Variants in PCDH15 observed in about 807,000 individuals in gnomAD.
PCDH15 encodes the protein protocadherin related 15.
Under a neutral mutation model 178.5 loss-of-function variants are expected in PCDH15, and 129 were observed. The observed-to-expected ratio is 0.72, with a 90% confidence interval of 0.63 to 0.84. PCDH15 has a LOEUF of 0.84. Ranked by LOEUF, PCDH15 falls within the 40% of genes least tolerant of loss-of-function variation. PCDH15 has a pLI of 0.00. For synonymous variants in PCDH15, 800 were observed against 732.0 expected (o/e 1.09, Z -1.50); for missense variants, 2,230 against 2,099.9 (o/e 1.06, Z -1.21).
chr10:55,035,973 C>T (rs891800459), intron 2 of PCDH15, among the ~76,000 whole-genome samples: 1 of 152,062 alleles, frequency 6.6e-6, no homozygotes, highest in African/African-American at 2.4e-5. Context: ...TAATTGTACA[C>T]CTTGCTACGG....
chr10:55,591,540 A>C (rs949526201), intron 2 of PCDH15, among the ~76,000 whole-genome samples: 1 of 152,188 alleles, frequency 6.6e-6, no homozygotes, highest in African/African-American at 2.4e-5. Flanking sequence ...AGAAAAAAGC[A>C]AGGGGTCAAT....
At chr10:54,541,098 C>T (rs1033092941) in intron 2 of PCDH15, among the ~76,000 whole-genome samples, 3 of 152,090 alleles carry the variant, frequency 2.0e-5, no homozygotes, top group Non-Finnish European at 2.9e-5. Context: ...AGCACTGGAA[C>T]AAGACAAGGA....
intron 15 of PCDH15, among the ~76,000 whole-genome samples, chr10:54,129,970 G>A (rs2042293906): frequency 6.6e-6 from 1 of 152,122 alleles, no homozygotes; most frequent in Non-Finnish European, 1.5e-5. Context: ...GTGGTGGGGT[G>A]GGCCAAATGG....
chr10:55,377,137 T>C (rs1330917170), intron 2 of PCDH15, among the ~76,000 whole-genome samples: 8 of 148,426 alleles, frequency 5.4e-5, no homozygotes, highest in Admixed American at 1.3e-4. Flanking sequence ...GTGATAACTC[T>C]TTCTTCACTA....
At chr10:54,785,450 TGA>T (rs1040275450) in intron 1 of PCDH15, among the ~76,000 whole-genome samples, 3 of 152,046 alleles carry the variant, frequency 2.0e-5, no homozygotes, top group Non-Finnish European at 2.9e-5. Flanking sequence ...ATACAATTCC[TGA>T]GAGACTATTT....
At chr10:53,824,466 T>C (rs1443239228) in intron 32 of PCDH15, among the ~76,000 whole-genome samples, 1 of 152,014 alleles carries the variant, frequency 6.6e-6, no homozygotes, top group Non-Finnish European at 1.5e-5. Context: ...AAAATTAGGG[T>C]GATAGTTTAG....
At chr10:55,549,568 A>C (rs1006942586) in intron 2 of PCDH15, among the ~76,000 whole-genome samples, 2 of 152,154 alleles carry the variant, frequency 1.3e-5, no homozygotes, top group African/African-American at 4.8e-5. Context: ...AGAAACAAAG[A>C]GTGATAAATG....
intron 1 of PCDH15, among the ~76,000 whole-genome samples, chr10:55,253,576 CCATTGTGCATTT>C (rs1249477250): frequency 2.6e-5 from 4 of 151,800 alleles, no homozygotes; most frequent in Admixed American, 1.3e-4. Flanking sequence ...TAGCAATGTG[CCATTGTGCATTT>C]TAAGTGAACC....
chr10:54,335,625 T>G (rs1940929366), intron 6 of PCDH15, among the ~76,000 whole-genome samples: 2 of 152,230 alleles, frequency 1.3e-5, no homozygotes, highest in East Asian at 3.9e-4. Context: ...TCTCTTAGTC[T>G]GCTTCCATGT....
Position 55,224,238 on chromosome 10 carries a change from AG to A in PCDH15, c.-155-57588del, listed in dbSNP as rs1687790971. ...AACAAAACAAAAAAACAAAAAGTAC[AG>A]GTAAATGAATATGGTCAGAATCTAT... On this transcript the variant is annotated intron_variant, in intron 1 of 5. Transcript: ENST00000458638. Among the ~76,000 whole-genome samples, 3 of 152,106 alleles carry A rather than the reference AG, an allele frequency of 2.0e-5. 1 individual carries two copies. Among genetic ancestry groups the A allele is most frequent in the African/African-American group, 7.2e-5 (3 of 41,382 alleles).
chr10:53,984,140 T>C (rs930331366), intron 21 of PCDH15, among the ~76,000 whole-genome samples: 1 of 94,726 alleles, frequency 1.1e-5, no homozygotes, highest in Non-Finnish European at 2.3e-5. Context: ...TTTTTTCTTT[T>C]TTCTTTTCTT....
chr10:54,246,767 T>C (rs944573122), intron 8 of PCDH15, among the ~76,000 whole-genome samples: 8 of 151,984 alleles, frequency 5.3e-5, no homozygotes, highest in African/African-American at 1.9e-4. Flanking sequence ...CGTGGTTGTA[T>C]GGTTTACATT....
At chr10:55,341,806 T>TATATATATA (rs1490048549) in intron 2 of PCDH15, among the ~76,000 whole-genome samples, 1 of 6,998 alleles carries the variant, frequency 1.4e-4, no homozygotes, top group Non-Finnish European at 2.8e-4. Context: ...TATATATATA[T>TATATATATA]TTTTTTTTTT....
At chr10:54,919,553 C>A (rs1473136761) in intron 2 of PCDH15, among the ~76,000 whole-genome samples, 1 of 152,132 alleles carries the variant, frequency 6.6e-6, no homozygotes, top group Non-Finnish European at 1.5e-5. Flanking sequence ...TCACATGTAT[C>A]TCCTTTGCTT....
intron 3 of PCDH15, among the ~76,000 whole-genome samples, chr10:54,521,905 C>T (rs550141557): frequency 1.3e-3 from 200 of 151,838 alleles, no homozygotes; most frequent in African/African-American, 4.5e-3. Flanking sequence ...CTGGCTAACA[C>T]GGTGGAACCC....
intron 3 of PCDH15, among the ~76,000 whole-genome samples, chr10:54,476,606 A>G (rs374803605): frequency 2.6e-5 from 4 of 152,262 alleles, no homozygotes; most frequent in South Asian, 4.1e-4. Flanking sequence ...GAAGTTTTGA[A>G]AGCTGAGTTT....
intron 2 of PCDH15, among the ~76,000 whole-genome samples, chr10:55,537,682 C>A (rs913022128): frequency 6.6e-6 from 1 of 152,064 alleles, no homozygotes; most frequent in African/African-American, 2.4e-5. Flanking sequence ...GATCCACCCC[C>A]GTCGGCCTGC....
chr10:53,929,362 T>C (rs2084841196), intron 25 of PCDH15, among the ~76,000 whole-genome samples: 1 of 152,156 alleles, frequency 6.6e-6, no homozygotes, highest in Non-Finnish European at 1.5e-5. Flanking sequence ...ATGCCTAAAA[T>C]TTCTGAAAGA....
rs184947966 is a variant in PCDH15, at chr10:55,408,311, G to A, written c.-156+219314C>T. 2.7e-3 allele frequency among the ~76,000 whole-genome samples: 405 copies of A among 151,610 alleles called. 4 individuals are homozygous for A. Among genetic ancestry groups the A allele is most frequent in the Admixed American group, 8.9e-3 (135 of 15,186 alleles). The stretch of plus-strand genomic sequence containing the variant: ...AGCGATTCTTCTGCCTCAGCTTGCC[G>A]AGTAGCTGAGACTACAGGCACCTGC... On this transcript the variant is annotated intron_variant, in intron 2 of 5. Transcript: ENST00000613346.
Sources: allele counts gnomAD v4.1 joint callset (sites outside exome capture counted in the v4.1 genomes callset), GRCh38; gene constraint gnomAD v4.1.1; transcripts MANE v1.5; gene names NCBI Gene and HGNC (gene_info 2026-07-23, HGNC 2026-07-21).